Variants in NAALADL2 observed in about 807,000 individuals in gnomAD.
NAALADL2 encodes N-acetylated alpha-linked acidic dipeptidase like 2, also known as inactive N-acetylated-alpha-linked acidic dipeptidase-like protein 2.
In NAALADL2, 76 loss-of-function variants were observed where a neutral mutation model predicts 87.2. The ratio of observed to expected loss-of-function variants is 0.87; its 90% CI spans 0.72 to 1.05. The LOEUF (loss-of-function observed/expected upper bound fraction) is 1.05, where lower values mean the gene tolerates loss of function less well. NAALADL2 is among the 50% of genes least tolerant of loss of function. The pLI, the probability that NAALADL2 is intolerant of heterozygous loss-of-function variation, is 0.00. For missense variants in NAALADL2, 1,089 were observed against 945.8 expected (o/e 1.15, Z -1.99); for synonymous variants, 354 against 331.0 (o/e 1.07, Z -0.75).
chr3:174,832,317 C>G (rs764001040), intron 3 of NAALADL2, among the ~76,000 whole-genome samples: 1 of 152,080 alleles, frequency 6.6e-6, no homozygotes, highest in Non-Finnish European at 1.5e-5. Flanking sequence ...TGTCTTTGTT[C>G]TCGTTGGTTT....
chr3:174,883,437 C>G (rs971768195), intron 1 of NAALADL2, among the ~76,000 whole-genome samples: 5 of 152,100 alleles, frequency 3.3e-5, no homozygotes, highest in Admixed American at 6.6e-5. Flanking sequence ...CATGACACAA[C>G]TATCCTTCAT....
rs187538412 is a variant in NAALADL2, at chr3:174,492,197, T to C, written c.-184+51165T>C. ...AGGCAGGAGAATTGCTGGAACCCAG[T>C]TGATGGAGGTTGCGGTGAGCCAAGA... On this transcript the variant is annotated intron_variant, in intron 1 of 3. Transcript: ENST00000434257. 8.2e-4 allele frequency among the ~76,000 whole-genome samples: 124 copies of C among 151,750 alleles called. 5 individuals carry two copies. The East Asian group carries it at 0.02, about 24-fold the overall frequency.
intron 5 of NAALADL2, among the ~76,000 whole-genome samples, chr3:175,388,190 G>A (rs991440223): frequency 1.1e-4 from 17 of 152,116 alleles, no homozygotes; most frequent in Non-Finnish European, 2.4e-4. Context: ...GAATTCAGAA[G>A]AGTCTGGTCA....
intron 1 of NAALADL2, among the ~76,000 whole-genome samples, chr3:175,072,902 T>C (rs944635470): frequency 2.0e-5 from 3 of 152,072 alleles, no homozygotes; most frequent in South Asian, 2.1e-4. Context: ...AAAAAGTCAC[T>C]CTGCTTTTTT....
intron 11 of NAALADL2, among the ~76,000 whole-genome samples, chr3:175,643,853 G>A (rs115233077): frequency 6.8e-4 from 104 of 152,184 alleles, no homozygotes; most frequent in African/African-American, 2.5e-3. Flanking sequence ...ATACACAGGC[G>A]GCCTCTAATG....
At chr3:175,664,501 C>T (rs151177730) in intron 11 of NAALADL2, among the ~76,000 whole-genome samples, 1 of 152,208 alleles carries the variant, frequency 6.6e-6, no homozygotes, top group African/African-American at 2.4e-5. Context: ...CTTTATTAAT[C>T]TTCAGTATCT....
intron 3 of NAALADL2, among the ~76,000 whole-genome samples, chr3:174,768,757 C>G (rs1220369290): frequency 2.0e-5 from 3 of 151,866 alleles, no homozygotes; most frequent in African/African-American, 7.3e-5. Context: ...TTAATTATTG[C>G]CTTATGCCAA....
intron 9 of NAALADL2, among the ~76,000 whole-genome samples, chr3:175,569,218 C>T (rs971382951): frequency 1.3e-5 from 2 of 152,118 alleles, no homozygotes. Flanking sequence ...TCACACTGCC[C>T]AGGACCACAT....
chr3:175,667,644 C>G (rs183951336), intron 11 of NAALADL2, among the ~76,000 whole-genome samples: 1 of 152,004 alleles, frequency 6.6e-6, no homozygotes, highest in East Asian at 1.9e-4. Context: ...GAACAATAAA[C>G]TGGAAGTTAG....
At chr3:175,150,552 A>G (rs1731401958) in intron 2 of NAALADL2, among the ~76,000 whole-genome samples, 1 of 152,194 alleles carries the variant, frequency 6.6e-6, no homozygotes, top group African/African-American at 2.4e-5. Flanking sequence ...GTTTACCTCC[A>G]GAAACCAGAA....
chr3:175,769,981 A>G (rs1749265383), intron 13 of NAALADL2, among the ~76,000 whole-genome samples: 2 of 130,858 alleles, frequency 1.5e-5, no homozygotes, highest in Admixed American at 1.4e-4. Context: ...AGGGTGCCTC[A>G]TGTTTTGTTT....
intron 13 of NAALADL2, among the ~76,000 whole-genome samples, chr3:175,780,806 A>G (rs1750948711): frequency 6.6e-6 from 1 of 152,258 alleles, no homozygotes; most frequent in Non-Finnish European, 1.5e-5. Context: ...GATTTTAAGA[A>G]TAGGCATCAT....
At chr3:175,182,382 C>T (rs373216673) in intron 2 of NAALADL2, among the ~76,000 whole-genome samples, 6 of 151,166 alleles carry the variant, frequency 4.0e-5, no homozygotes, top group African/African-American at 1.5e-4. Flanking sequence ...TTGTGCAAAA[C>T]TGTTTTTTGT....
At chr3:175,623,759 G>A (rs1372210921) in intron 10 of NAALADL2, among the ~76,000 whole-genome samples, 1 of 151,952 alleles carries the variant, frequency 6.6e-6, no homozygotes, top group African/African-American at 2.4e-5. Flanking sequence ...ATGAATAGAG[G>A]GGTGCAGAGC....
intron 4 of NAALADL2, among the ~76,000 whole-genome samples, chr3:175,315,677 AT>A (rs1759050012): frequency 6.6e-6 from 1 of 152,192 alleles, no homozygotes; most frequent in Non-Finnish European, 1.5e-5. Flanking sequence ...GAAAAATAAA[AT>A]TAGCATTTTC....
At chr3:174,730,150 CCTT>C (rs772255237) in intron 2 of NAALADL2, among the ~76,000 whole-genome samples, 3 of 152,022 alleles carry the variant, frequency 2.0e-5, no homozygotes, top group Non-Finnish European at 2.9e-5. Flanking sequence ...GACCTACTGT[CCTT>C]CTAAGTAGGG....
At chr3:175,704,601 G>A (rs1021421107) in intron 11 of NAALADL2, among the ~76,000 whole-genome samples, 3 of 152,034 alleles carry the variant, frequency 2.0e-5, no homozygotes, top group Admixed American at 6.5e-5. Flanking sequence ...CTAAACCCCA[G>A]GTATGTCCTC....
At chr3:175,277,228 C>T (rs530211451) in intron 4 of NAALADL2, among the ~76,000 whole-genome samples, 3 of 152,128 alleles carry the variant, frequency 2.0e-5, no homozygotes, top group Admixed American at 1.3e-4. Context: ...AGAAAAACTT[C>T]TACAGTGCCA....
intron 13 of NAALADL2, among the ~76,000 whole-genome samples, chr3:175,799,145 T>A (rs560335424): frequency 6.6e-6 from 1 of 152,082 alleles, no homozygotes; most frequent in Non-Finnish European, 1.5e-5. Flanking sequence ...AAAATATCGA[T>A]TGTACTCTCT....
Sources: gnomAD v4.1 joint callset for allele counts (sites outside exome capture counted in the v4.1 genomes callset) on GRCh38, gnomAD v4.1.1 for gene constraint, MANE v1.5 for transcripts, NCBI Gene and HGNC (gene_info 2026-07-23, HGNC 2026-07-21) for gene names.